USH2A: variants seen among roughly 807,000 people sequenced by gnomAD.
USH2A encodes the protein usherin, also known as Usher syndrome 2A (autosomal recessive, mild).
A neutral mutation model predicts 538.9 loss-of-function variants in USH2A; 443 were observed. The observed-to-expected ratio is 0.82, with a 90% confidence interval of 0.76 to 0.89. The LOEUF is 0.89. Ranked by LOEUF, USH2A falls within the 40% of genes least tolerant of loss-of-function variation. The pLI, the probability that USH2A is intolerant of heterozygous loss-of-function variation, is 0.00. For missense variants in USH2A, 6,633 were observed against 6,324.8 expected (o/e 1.05, Z -1.65); for synonymous variants, 2,413 against 2,273.5 (o/e 1.06, Z -1.75).
intron 30 of USH2A, among the ~76,000 whole-genome samples, chr1:216,063,563 A>G (rs1160592210): frequency 6.6e-6 from 1 of 152,242 alleles, no homozygotes; most frequent in African/African-American, 2.4e-5. Flanking sequence ...CAAGAAATGT[A>G]GTGAAAAAAT....
At chr1:216,286,584 C>A (rs2036890002) in intron 11 of USH2A, among the ~76,000 whole-genome samples, 1 of 151,934 alleles carries the variant, frequency 6.6e-6, no homozygotes, top group Admixed American at 6.6e-5. Flanking sequence ...ATTAGCCAGG[C>A]ATGGTGGTGA....
intron 42 of USH2A, among the ~76,000 whole-genome samples, chr1:215,878,479 T>C (rs539544436): frequency 6.6e-6 from 1 of 152,270 alleles, no homozygotes; most frequent in Non-Finnish European, 1.5e-5. Context: ...GCCTAACATA[T>C]AATAAAAGCA....
chr1:216,208,324 C>G (rs886448185), intron 15 of USH2A, among the ~76,000 whole-genome samples: 10 of 152,104 alleles, frequency 6.6e-5, no homozygotes. Flanking sequence ...ACAACCTAAT[C>G]AAACATTCTC....
At chr1:216,309,129 C>T (rs1327490659) in intron 9 of USH2A, among the ~76,000 whole-genome samples, 2 of 152,238 alleles carry the variant, frequency 1.3e-5, no homozygotes, top group East Asian at 1.9e-4. Context: ...AGGTACATGC[C>T]AACCTTATAA....
chr1:216,360,760 A>C (rs1299900214), intron 4 of USH2A, among the ~76,000 whole-genome samples: 1 of 152,108 alleles, frequency 6.6e-6, no homozygotes, highest in Non-Finnish European at 1.5e-5. Context: ...AGTCTAACAA[A>C]TAGGAGTGAG....
At chr1:215,747,090 T>A (rs1660492489) in intron 58 of USH2A, among the ~76,000 whole-genome samples, 1 of 152,174 alleles carries the variant, frequency 6.6e-6, no homozygotes, top group African/African-American at 2.4e-5. Flanking sequence ...CAAGAAAATG[T>A]TTATGCTGAT....
intron 37 of USH2A, among the ~76,000 whole-genome samples, chr1:215,961,714 G>T (rs912143281): frequency 6.6e-6 from 1 of 151,748 alleles, no homozygotes; most frequent in East Asian, 1.9e-4. Flanking sequence ...AATAAAGATG[G>T]AAATTTAGGA....
chr1:215,950,720 C>T (rs537107170), intron 37 of USH2A, among the ~76,000 whole-genome samples: 4 of 151,988 alleles, frequency 2.6e-5, no homozygotes, highest in African/African-American at 9.6e-5. Context: ...CCATCTTGGA[C>T]AGGCTGGTCT....
chr1:215,634,978 A>C (rs1311259465), intron 69 of USH2A, among the ~76,000 whole-genome samples: 1 of 152,190 alleles, frequency 6.6e-6, no homozygotes, highest in Non-Finnish European at 1.5e-5. Context: ...TCCCTGGGAA[A>C]GATGGGAGTG....
intron 11 of USH2A, among the ~76,000 whole-genome samples, chr1:216,280,455 T>C (rs1394239216): frequency 6.6e-6 from 1 of 152,030 alleles, no homozygotes; most frequent in Non-Finnish European, 1.5e-5. Flanking sequence ...AGACATAAAT[T>C]GTATCCTACT....
intron 12 of USH2A, among the ~76,000 whole-genome samples, chr1:216,250,668 T>C (rs866762443): frequency 2.6e-5 from 4 of 152,210 alleles, no homozygotes; most frequent in Admixed American, 6.5e-5. Context: ...TGGGAATTAA[T>C]GCATCTACAG....
chr1:216,036,621 G>T (rs1210663070), intron 32 of USH2A, among the ~76,000 whole-genome samples: 1 of 152,100 alleles, frequency 6.6e-6, no homozygotes. Flanking sequence ...TGGTTTGTTT[G>T]TTGCTAGTGT....
In USH2A at chr1:215,940,872, T is replaced by C. The variant is rs565439893; in HGVS notation, c.7121-6077A>G. 1.8e-4 allele frequency among the ~76,000 whole-genome samples: 27 copies of C among 152,254 alleles called. No individual in the cohort carries two copies. In the South Asian group the frequency reaches 5.6e-3, roughly 32 times the overall value. ...GGGAATAAATACATGCACTATTTTA[T>C]CAACTCACCAAAAGATGCTTCAGAC... On this transcript the variant is annotated intron_variant, in intron 37 of 71. Transcript: ENST00000307340.
chr1:215,800,854 T>C (rs1662306640), intron 49 of USH2A, among the ~76,000 whole-genome samples: 1 of 151,912 alleles, frequency 6.6e-6, no homozygotes. Flanking sequence ...TCAATAGCTC[T>C]CATGAATATT....
At chr1:215,889,681 G>C (rs1262253571) in intron 40 of USH2A, among the ~76,000 whole-genome samples, 1 of 152,038 alleles carries the variant, frequency 6.6e-6, no homozygotes, top group African/African-American at 2.4e-5. Flanking sequence ...CTGACCTTTA[G>C]GTTAACAGGT....
chr1:216,248,458 T>G (rs1472217120), intron 12 of USH2A, among the ~76,000 whole-genome samples: 2 of 151,946 alleles, frequency 1.3e-5, no homozygotes, highest in Non-Finnish European at 2.9e-5. Flanking sequence ...ATTTAAAAAT[T>G]AATCTTAAAA....
At chr1:215,947,544 A>G (rs1319972654) in intron 37 of USH2A, among the ~76,000 whole-genome samples, 1 of 152,230 alleles carries the variant, frequency 6.6e-6, no homozygotes, top group Non-Finnish European at 1.5e-5. Context: ...TTGTTCAAAG[A>G]TCTGCCTACA....
chr1:216,251,650 C>G (rs1197904702), intron 11 of USH2A, among the ~76,000 whole-genome samples: 2 of 151,898 alleles, frequency 1.3e-5, no homozygotes, highest in South Asian at 4.1e-4. Flanking sequence ...GAGGTTTCAC[C>G]ATATTGGTCT....
chr1:216,376,797 G>A (rs1171660286), intron 3 of USH2A, among the ~76,000 whole-genome samples: 1 of 152,062 alleles, frequency 6.6e-6, no homozygotes, highest in African/African-American at 2.4e-5. Context: ...CATTTATCAT[G>A]CCAGCACTCA....
Sources: gnomAD v4.1 joint callset for allele counts (sites outside exome capture counted in the v4.1 genomes callset) on GRCh38, gnomAD v4.1.1 for gene constraint, MANE v1.5 for transcripts, NCBI Gene and HGNC (gene_info 2026-07-23, HGNC 2026-07-21) for gene names.